SNX21: variants seen among roughly 807,000 people sequenced by gnomAD.
SNX21 encodes the protein sorting nexin family member 21, also known as sorting nexin-21.
SNX21 carries 36 observed loss-of-function variants against 30.9 expected under a neutral mutation model. The ratio of observed to expected loss-of-function variants is 1.16; its 90% CI spans 0.89 to 1.54. The LOEUF (loss-of-function observed/expected upper bound fraction) is 1.54, where lower values mean the gene tolerates loss of function less well. Ranked by LOEUF, SNX21 falls within the 40% of genes most tolerant of loss-of-function variation. SNX21 has a pLI of 0.00. For missense variants in SNX21, 508 were observed against 516.5 expected (o/e 0.98, Z 0.16); for synonymous variants, 218 against 222.7 (o/e 0.98, Z 0.19).
intron 3 of SNX21, among the ~76,000 whole-genome samples, chr20:45,836,691 G>A (rs1419187954): frequency 1.3e-5 from 2 of 152,020 alleles, no homozygotes; most frequent in African/African-American, 4.8e-5. Context: ...AGTGGCAAAG[G>A]TCTCAGAACT....
Position 45,841,895 on chromosome 20 carries a change from G to A in SNX21, c.*582G>A. ...CTCGGATCACGCCCTCCTGGGCACA[G>A]GTCACAGCTAGGACTCCATCCTGAC... On this transcript the variant is annotated 3_prime_UTR_variant, in exon 4 of 4. Transcript: ENST00000491381. 6 of 1,612,156 alleles carry A rather than the reference G, an allele frequency of 3.7e-6. No homozygotes were observed. Among genetic ancestry groups the A allele is most frequent in the Non-Finnish European group, 5.1e-6 (6 of 1,179,614 alleles).
chr20:45,840,403 T>C (rs887629290), intron 3 of SNX21: 5 of 1,614,102 alleles, frequency 3.1e-6, no homozygotes, highest in African/African-American at 1.3e-5. Flanking sequence ...GAAGCTCATC[T>C]CTGTCTTTCT....
At chr20:45,835,190 T>G (rs769396524) in intron 3 of SNX21, 74 bp downstream of exon 3, 16 of 1,469,510 alleles carry the variant, frequency 1.1e-5, no homozygotes, top group Non-Finnish European at 1.5e-5. Context: ...AGACCCCAAC[T>G]TCCTGAGGGG....
Position 45,841,893 on chromosome 20 carries a change from C to G in SNX21, c.*580C>G. On this transcript the variant is annotated 3_prime_UTR_variant, in exon 4 of 4. Transcript: ENST00000491381. ...CACTCGGATCACGCCCTCCTGGGCA[C>G]AGGTCACAGCTAGGACTCCATCCTG... 1 of 1,611,980 alleles carries G rather than the reference C, an allele frequency of 6.2e-7. No individual in the cohort carries two copies. The highest frequency in any genetic ancestry group is 8.5e-7 in the Non-Finnish European group (1 of 1,179,578).
chr20:45,835,154 G>C (rs1465497995), intron 3 of SNX21, 38 bp downstream of exon 3: 1 of 1,577,936 alleles, frequency 6.3e-7, no homozygotes. Flanking sequence ...TGTGAGTCCA[G>C]AAGTATGGCT....
chr20:45,841,348 G>T lies in SNX21; in HGVS notation c.*35G>T. On this transcript the variant is annotated 3_prime_UTR_variant, in exon 4 of 4. Coordinates refer to ENST00000491381, the MANE Select transcript of SNX21 (RefSeq NM_033421.4). ...AGATTTAAGGCCACTGTGAGGAGAG[G>T]GGTTGCCCCAGAAGGCAGGGGAAGG... 6.6e-7 allele frequency: 1 copy of T among 1,517,744 alleles called. No homozygotes were observed. Among genetic ancestry groups the T allele is most frequent in the Non-Finnish European group, 8.8e-7 (1 of 1,134,460 alleles). 94.0% of individuals were successfully genotyped at this position (1,517,744 alleles called of 1,614,324 possible). A position where few individuals can be genotyped will look rare whatever the true frequency, so the allele number is the denominator to read the frequency against.
Position 45,833,873 on chromosome 20 carries a change from G to A in SNX21, c.-47G>A. On this transcript the variant is annotated 5_prime_UTR_variant, in exon 1 of 4. Transcript: ENST00000491381. The stretch of plus-strand genomic sequence containing the variant: ...TGCAGAACCCGGCCGACCTCCATGG[G>A]CTGCGGGGGGCTGCACCCGGACCCC... 1 of 1,331,790 alleles carries A rather than the reference G, an allele frequency of 7.5e-7. No homozygotes were observed. The allele number at this position is 1,331,790 out of a possible 1,614,324, so 82.5% of individuals were successfully genotyped here. A position where few individuals can be genotyped will look rare whatever the true frequency, so the allele number is the denominator to read the frequency against.
At chr20:45,840,523 G>A in intron 3 of SNX21, 116 bp from the exon 4 acceptor site, 2 of 1,613,662 alleles carry the variant, frequency 1.2e-6, no homozygotes, top group Non-Finnish European at 1.7e-6. Flanking sequence ...TGCTGTCCCA[G>A]GGGTGAAAGG....
At position 45,841,418 on chromosome 20, in the gene SNX21, G is replaced by T; in HGVS notation, c.*105G>T. 6.8e-7 allele frequency: 1 copy of T among 1,480,796 alleles called. No individual in the cohort carries two copies. Among genetic ancestry groups the T allele is most frequent in the South Asian group, 1.5e-5 (1 of 67,652 alleles). The allele number at this position is 1,480,796 out of a possible 1,614,324, so 91.7% of individuals were successfully genotyped here. On this transcript the variant is annotated 3_prime_UTR_variant, in exon 4 of 4. Coordinates refer to ENST00000491381, the MANE Select transcript of SNX21 (RefSeq NM_033421.4). ...GCTGGGAGGCTGCAGAGGGTGCTGG[G>T]AGCCCCTAGAAGTTCCAAAAGAGAA... is the stretch of plus-strand genomic sequence containing the variant.
intron 3 of SNX21, among the ~76,000 whole-genome samples, chr20:45,839,179 G>A (rs905573456): frequency 1.3e-5 from 2 of 152,150 alleles, no homozygotes; most frequent in Non-Finnish European, 2.9e-5. Context: ...AGGTGTGTGT[G>A]TGAGCCACTG....
Position 45,843,100 on chromosome 20 carries a change from A to C in SNX21, c.*1787A>C. The C allele has an allele frequency of 9.2e-7, 1 of 1,092,476 alleles. No homozygotes were observed. Among genetic ancestry groups the C allele is most frequent in the Non-Finnish European group, 1.2e-6 (1 of 856,974 alleles). The allele number at this position is 1,092,476 out of a possible 1,614,324, so 67.7% of individuals were successfully genotyped here. On this transcript the variant is annotated 3_prime_UTR_variant, in exon 4 of 4. Coordinates refer to ENST00000491381, the MANE Select transcript of SNX21 (RefSeq NM_033421.4). ...GACCTTATCCAAGACCTACTGAGTGAGAATCTTGAGGGTGGAATCAGAATC... is the reference window on the plus strand; with the variant it reads ...GACCTTATCCAAGACCTACTGAGTGCGAATCTTGAGGGTGGAATCAGAATC...
chr20:45,834,727 C>T (rs1983367889), intron 2 of SNX21: 1 of 660,262 alleles, frequency 1.5e-6, no homozygotes, highest in African/African-American at 1.8e-5. Flanking sequence ...GGCTTGGGAT[C>T]CGAATGGAAA....
chr20:45,841,702 G>GCAGGGCTGCCCCACACAAGGGT lies in SNX21; in HGVS notation c.*389_*390insCAGGGCTGCCCCACACAAGGGT. The GCAGGGCTGCCCCACACAAGGGT allele has an allele frequency of 7.0e-7, 1 of 1,432,576 alleles. No homozygotes were observed. Among genetic ancestry groups the GCAGGGCTGCCCCACACAAGGGT allele is most frequent in the Non-Finnish European group, 9.1e-7 (1 of 1,099,340 alleles). 88.7% of individuals were successfully genotyped at this position (1,432,576 alleles called of 1,614,324 possible). On this transcript the variant is annotated 3_prime_UTR_variant, in exon 4 of 4. Coordinates refer to ENST00000491381, the MANE Select transcript of SNX21 (RefSeq NM_033421.4). ...GGCAAGGCTGCAGGTCTGGCCCAGG[G>GCAGGGCTGCCCCACACAAGGGT]GAATTAAAAGCCAGCCACTCCAGTG... is the stretch of plus-strand genomic sequence containing the variant.
At position 45,834,358 on chromosome 20, in the gene SNX21, C is replaced by T. The variant is rs748909440; in HGVS notation, c.179C>T (p.Thr60Ile). The stretch of plus-strand genomic sequence containing the variant: ...GGCCTGTCCTCCCGACTCAGCGGCA[C>T]CCTCAGCTTCACCAGCGCCGAGGAC... ...AEGLSSRLSG[T>I]LSFTSAEDDE... The change falls in exon 2 of 4, where the codon ACC becomes ATC. Residue 60 changes from threonine (T) to isoleucine (I), a missense_variant. Physicochemically the swap from Thr to Ile is moderately conservative, Grantham distance 89. Transcript: ENST00000491381. The T allele has an allele frequency of 1.7e-5, 28 of 1,602,332 alleles. No individual in the cohort carries two copies. In the South Asian group the frequency reaches 2.9e-4, roughly 17 times the overall value.
chr20:45,842,262 G>T lies in SNX21; in HGVS notation c.*949G>T. ...AGCTTATTATGGACCGTCATTGAGG[G>T]GTAACTCCTCCCACAGGAACCCCAG... On this transcript the variant is annotated 3_prime_UTR_variant, in exon 4 of 4. Transcript: ENST00000491381. 7.0e-7 allele frequency: 1 copy of T among 1,428,992 alleles called. No individual in the cohort carries two copies. Among genetic ancestry groups the T allele is most frequent in the Non-Finnish European group, 9.1e-7 (1 of 1,097,142 alleles). The allele number at this position is 1,428,992 out of a possible 1,614,324, so 88.5% of individuals were successfully genotyped here.
chr20:45,842,034 G>T lies in SNX21; in HGVS notation c.*721G>T. The T allele has an allele frequency of 6.4e-7, 1 of 1,563,264 alleles. No homozygotes were observed. On this transcript the variant is annotated 3_prime_UTR_variant, in exon 4 of 4. Transcript: ENST00000491381. Reference sequence around the variant, plus strand: ...CTTTTTTTTTTTTTCCTGAAACAGAGTCTCACTAAGTTGCCAGGCTGGTCT... The same window carrying T: ...CTTTTTTTTTTTTTCCTGAAACAGATTCTCACTAAGTTGCCAGGCTGGTCT...
rs892504403 is a variant in SNX21 at position 45,841,854 on chromosome 20, G to C, written c.*541G>C. On this transcript the variant is annotated 3_prime_UTR_variant, in exon 4 of 4. Coordinates refer to ENST00000491381, the MANE Select transcript of SNX21 (RefSeq NM_033421.4). ...TACCTCTGGCTACAGCTTGCTCTCT[G>C]AGACCTGGGGCTTCACTCGGATCAC... The C allele has an allele frequency of 4.0e-5, 64 of 1,605,664 alleles. No individual in the cohort carries two copies. Among genetic ancestry groups the C allele is most frequent in the East Asian group, 8.9e-5 (4 of 44,752 alleles).
At position 45,840,987 on chromosome 20, in the gene SNX21, GC is replaced by G. The variant is rs1568730732; in HGVS notation, c.798del (p.Trp267GlyfsTer18). The part of the protein sequence containing the change: ...YREALALWAN[A>X]WQLQAQLGTP... ...TGAGGCTCTGGCACTCTGGGCCAATGCCTGGCAGCTGCAAGCCCAGCTGGGC... is the reference window on the plus strand; with the variant it reads ...TGAGGCTCTGGCACTCTGGGCCAATGCTGGCAGCTGCAAGCCCAGCTGGGC... On this transcript the variant is annotated frameshift_variant, in exon 4 of 4. Coordinates refer to ENST00000491381, the MANE Select transcript of SNX21 (RefSeq NM_033421.4). LOFTEE classifies it high-confidence loss of function. The G allele has an allele frequency of 1.2e-6, 2 of 1,610,476 alleles. No homozygotes were observed. Among genetic ancestry groups the G allele is most frequent in the South Asian group, 2.2e-5 (2 of 90,852 alleles).
At position 45,840,640 on chromosome 20, in the gene SNX21, T is replaced by C; in HGVS notation, c.449T>C (p.Leu150Pro). 6.2e-7 allele frequency: 1 copy of C among 1,614,088 alleles called. No homozygotes were observed. Among genetic ancestry groups the C allele is most frequent in the East Asian group, 2.2e-5 (1 of 44,860 alleles). ...CCCTGACACCCACCCTCCCTGCAGC[T>C]CTACACCCTCGCCGTGATCGGCCCA... ...VVKDPPSKYV[L>P]YTLAVIGPGP... Residue 150 changes from leucine (L) to proline (P), a missense_variant and splice_region_variant, in exon 4 of 4, where the codon CTC becomes CCC. Transcript: ENST00000491381.
Sources: allele counts gnomAD v4.1 joint callset (sites outside exome capture counted in the v4.1 genomes callset), GRCh38; gene constraint gnomAD v4.1.1; transcripts MANE v1.5; gene names NCBI Gene and HGNC (gene_info 2026-07-23, HGNC 2026-07-21).